The following DUSP10 variants were observed in gnomAD, a reference collection of about 807,000 sequenced individuals.
The protein encoded by DUSP10 is dual specificity protein phosphatase 10.
A neutral mutation model predicts 30.8 loss-of-function variants in DUSP10; 14 were observed. The observed-to-expected ratio is 0.46, with a 90% CI of 0.30 to 0.71. DUSP10 has a LOEUF of 0.71. Ranked by LOEUF, DUSP10 falls within the 30% of genes least tolerant of loss-of-function variation. The pLI is 0.08. For missense variants in DUSP10, 550 were observed against 619.4 expected (o/e 0.89, Z 1.19); for synonymous variants, 254 against 250.4 (o/e 1.01, Z -0.14).
At chr1:221,714,414 T>C (rs1367528591) in intron 2 of DUSP10, among the ~76,000 whole-genome samples, 4 of 152,128 alleles carry the variant, frequency 2.6e-5, no homozygotes, top group Non-Finnish European at 5.9e-5. Context: ...CAGGAAAGAA[T>C]TACCTGCGAC....
chr1:221,718,178 C>A (rs1042500872), intron 2 of DUSP10, among the ~76,000 whole-genome samples: 3 of 151,960 alleles, frequency 2.0e-5, no homozygotes, highest in Non-Finnish European at 4.4e-5. Context: ...AAAAGGCAAG[C>A]GCAGTAAGCC....
At chr1:221,717,193 A>AG (rs1433843405) in intron 2 of DUSP10, among the ~76,000 whole-genome samples, 1 of 152,140 alleles carries the variant, frequency 6.6e-6, no homozygotes, top group Non-Finnish European at 1.5e-5. Context: ...GAACATAGGG[A>AG]GGGAACACCA....
intron 2 of DUSP10, among the ~76,000 whole-genome samples, chr1:221,719,631 T>C (rs1661219213): frequency 6.6e-6 from 1 of 152,174 alleles, no homozygotes; most frequent in African/African-American, 2.4e-5. Flanking sequence ...CAAGTAATGG[T>C]CAGTTCAACC....
At chr1:221,707,070 C>T (rs1221783718) in intron 2 of DUSP10, among the ~76,000 whole-genome samples, 1 of 152,192 alleles carries the variant, frequency 6.6e-6, no homozygotes, top group Non-Finnish European at 1.5e-5. Flanking sequence ...GCTTCAGTTC[C>T]ACCATCTGTA....
chr1:221,714,898 A>C (rs1215842120), intron 2 of DUSP10, among the ~76,000 whole-genome samples: 1 of 151,778 alleles, frequency 6.6e-6, no homozygotes, highest in East Asian at 1.9e-4. Context: ...TCCCACCCCA[A>C]CGTTAAAAAA....
At chr1:221,714,657 A>ATCCACCACCAGTCGGCCTTTT (rs1661042935) in intron 2 of DUSP10, among the ~76,000 whole-genome samples, 1 of 152,224 alleles carries the variant, frequency 6.6e-6, no homozygotes, top group South Asian at 2.1e-4. Context: ...AATCTGGCAC[A>ATCCACCACCAGTCGGCCTTTT]TCCACCACCA....
chr1:221,713,694 C>T (rs555307823), intron 2 of DUSP10, among the ~76,000 whole-genome samples: 1 of 152,238 alleles, frequency 6.6e-6, no homozygotes, highest in South Asian at 2.1e-4. Context: ...ATGTATTTTC[C>T]TTTCTGTGTA....
intron 2 of DUSP10, among the ~76,000 whole-genome samples, chr1:221,718,251 A>G (rs763872766): frequency 6.6e-6 from 1 of 152,150 alleles, no homozygotes; most frequent in Non-Finnish European, 1.5e-5. Context: ...CCTCTCCCAA[A>G]GACACTTCCC....
In DUSP10 at chr1:221,706,321, G is replaced by A. The variant is rs778876142; in HGVS notation, c.957C>T (p.Asn319=). 5.0e-6 allele frequency: 8 copies of A among 1,613,554 alleles called. No homozygotes were observed. The highest frequency in any genetic ancestry group is 1.7e-5 in the Admixed American group (1 of 60,002). The change falls in exon 3 of 4, where the codon AAC becomes AAT. Residue 319 remains asparagine (N), a synonymous_variant. Coordinates refer to ENST00000366899, the MANE Select transcript of DUSP10 (RefSeq NM_007207.6). This position sits in a 1 kb window ranked among gnomAD's most constrained non-coding sequence, Gnocchi z 4.6. ...AGGGCAAGATGGGGGTGAGCTCAGCGTTCTCGATGTCAGGGGTGGTGGGGA... is the reference window on the plus strand; with the variant it reads ...AGGGCAAGATGGGGGTGAGCTCAGCATTCTCGATGTCAGGGGTGGTGGGGA... ...QPIPTTPDIE[N]AELTPILPFL...
Position 221,737,447 on chromosome 1 carries a change from G to A in DUSP10, c.811+1487C>T, listed in dbSNP as rs1054191581. The A allele has an allele frequency of 2.6e-5, 26 of 985,244 alleles. No individual in the cohort carries two copies. The Middle Eastern group carries it at 3.1e-3, about 119-fold the overall frequency. The allele number at this position is 985,244 out of a possible 1,614,324, so 61.0% of individuals were successfully genotyped here. A position where few individuals can be genotyped will look rare whatever the true frequency, so the allele number is the denominator to read the frequency against. On this transcript the variant is annotated intron_variant, in intron 2 of 3. Coordinates refer to ENST00000366899, the MANE Select transcript of DUSP10 (RefSeq NM_007207.6). ...GTAAATATCCTGGGAATCACTCAAA[G>A]TCAACCATACAAGAATACAGAAACA...
intron 2 of DUSP10, among the ~76,000 whole-genome samples, chr1:221,729,051 C>T (rs6693577): frequency 0.11 from 16,656 of 152,144 alleles, 971 homozygotes; most frequent in Middle Eastern, 0.13. Flanking sequence ...TTCAGTCCCT[C>T]GTATGTAAAT....
At chr1:221,711,426 G>T (rs920442917) in intron 2 of DUSP10, among the ~76,000 whole-genome samples, 2 of 152,210 alleles carry the variant, frequency 1.3e-5, no homozygotes, top group Non-Finnish European at 2.9e-5. Flanking sequence ...GCAAACAGAA[G>T]TAATGTCCAA....
At chr1:221,708,362 C>T (rs547374429) in intron 2 of DUSP10, among the ~76,000 whole-genome samples, 2 of 152,136 alleles carry the variant, frequency 1.3e-5, no homozygotes, top group African/African-American at 2.4e-5. Context: ...TAACCTAGAC[C>T]GAGTCTCATG....
intron 3 of DUSP10, among the ~76,000 whole-genome samples, chr1:221,703,662 C>CAAATATATTA (rs1422410572): frequency 4.6e-5 from 7 of 152,188 alleles, no homozygotes; most frequent in Admixed American, 1.3e-4. Flanking sequence ...GCTAAGTTTT[C>CAAATATATTA]AAATATATTA....
At chr1:221,716,627 G>C (rs1208756486) in intron 2 of DUSP10, among the ~76,000 whole-genome samples, 12 of 152,140 alleles carry the variant, frequency 7.9e-5, no homozygotes. Context: ...TGCTTTCCAA[G>C]AAAGGATTTT....
At chr1:221,717,461 AG>A (rs1661139385) in intron 2 of DUSP10, among the ~76,000 whole-genome samples, 1 of 52,902 alleles carries the variant, frequency 1.9e-5, no homozygotes, top group African/African-American at 5.7e-5. Flanking sequence ...AAAGAAACAG[AG>A]AGAGAGAGAG....
chr1:221,730,317 G>A (rs188432240), intron 2 of DUSP10, among the ~76,000 whole-genome samples: 4 of 152,278 alleles, frequency 2.6e-5, no homozygotes, highest in South Asian at 2.1e-4. Flanking sequence ...ATTATAACAC[G>A]AGAGGTTTAA....
intron 2 of DUSP10, among the ~76,000 whole-genome samples, chr1:221,721,431 A>G (rs1661274610): frequency 6.6e-6 from 1 of 152,234 alleles, no homozygotes; most frequent in South Asian, 2.1e-4. Context: ...CTGAAGATTG[A>G]GCTGAACAAT....
chr1:221,706,436 T>C lies in DUSP10; in HGVS notation c.842A>G (p.Glu281Gly). 6.5e-7 allele frequency: 1 copy of C among 1,529,676 alleles called. No homozygotes were observed. The highest frequency in any genetic ancestry group is 8.8e-7 in the Non-Finnish European group (1 of 1,139,132). 94.8% of individuals were successfully genotyped at this position (1,529,676 alleles called of 1,614,324 possible). ...GGLSSFKQNH[E>G]NLCDNSLQLQ... ...CTGGAGGGAGTTGTCACAGAGGTTT[T>C]CATGGTTCTGCTTAAAACTACTAAG... is the stretch of plus-strand genomic sequence containing the variant. Residue 281 changes from glutamate to glycine, a missense_variant, in exon 3 of 4, where the codon GAA (glutamate) becomes GGA (glycine). Transcript: ENST00000366899. The surrounding 1 kb of genome is among the most constrained non-coding windows in gnomAD (Gnocchi z 4.6).
Sources: allele counts gnomAD v4.1 joint callset (sites outside exome capture counted in the v4.1 genomes callset), GRCh38; gene constraint gnomAD v4.1.1; non-coding constraint Gnocchi (gnomAD v3.1); transcripts MANE v1.5; gene names NCBI Gene and HGNC (gene_info 2026-07-23, HGNC 2026-07-21).